PDCD6IP: variants seen among roughly 807,000 people sequenced by gnomAD.
PDCD6IP encodes the protein programmed cell death 6 interacting protein.
Under a neutral mutation model 103.7 loss-of-function variants are expected in PDCD6IP, and 43 were observed. The observed-to-expected ratio is 0.41, with a 90% confidence interval of 0.32 to 0.53. The LOEUF is 0.53. Ranked by LOEUF, PDCD6IP falls within the 20% of genes least tolerant of loss-of-function variation. The pLI is 0.16. For synonymous variants in PDCD6IP, 354 were observed against 378.7 expected, an observed-to-expected ratio of 0.93 and a Z score of 0.76; for missense variants, 871 against 1,036.7, an observed-to-expected ratio of 0.84 and a Z score of 2.20.
At chr3:33,822,682 G>A (rs1271745450) in intron 4 of PDCD6IP, among the ~76,000 whole-genome samples, 4 of 152,152 alleles carry the variant, frequency 2.6e-5, no homozygotes, top group South Asian at 2.1e-4. Context: ...TTGAGACGGA[G>A]TCTTGTTCTG....
Position 33,845,339 on chromosome 3 carries a change from T to C in PDCD6IP, c.1472-80T>C, listed in dbSNP as rs1697568461. The C allele has an allele frequency of 6.3e-5, 65 of 1,039,934 alleles. 1 individual carries two copies. The South Asian group carries it at 1.1e-3, about 18-fold the overall frequency. The allele number at this position is 1,039,934 out of a possible 1,614,324, so 64.4% of individuals were successfully genotyped here. A position where few individuals can be genotyped will look rare whatever the true frequency, so the allele number is the denominator to read the frequency against. On this transcript the variant is annotated intron_variant, in intron 11 of 17. Coordinates refer to ENST00000307296, the MANE Select transcript of PDCD6IP (RefSeq NM_013374.6). ...GGGGAGGATAAGTAAAGTTGGAGAC[T>C]AGAACTCAACATATAACCAGCCGAT...
At chr3:33,838,126 A>G in intron 8 of PDCD6IP, 78 bp from the exon 9 acceptor site, 1 of 1,297,852 alleles carries the variant, frequency 7.7e-7, no homozygotes, top group Non-Finnish European at 1.1e-6. Flanking sequence ...GAATATTGGA[A>G]AGAAAATATA....
intron 11 of PDCD6IP, among the ~76,000 whole-genome samples, chr3:33,844,664 A>G (rs1697552911): frequency 1.3e-5 from 2 of 152,052 alleles, no homozygotes; most frequent in African/African-American, 4.8e-5. Flanking sequence ...TATTTTTTGC[A>G]GAGACGAGGT....
chr3:33,843,391 A>G (rs1266319744), intron 10 of PDCD6IP, among the ~76,000 whole-genome samples: 1 of 151,950 alleles, frequency 6.6e-6, no homozygotes, highest in Non-Finnish European at 1.5e-5. Flanking sequence ...CTGGTGAACT[A>G]TGGATGGTGG....
At position 33,840,146 on chromosome 3, in the gene PDCD6IP, TAAAC is replaced by T. The variant is rs1250572418; in HGVS notation, c.1182-1749_1182-1746del. On this transcript the variant is annotated intron_variant, in intron 9 of 17. Coordinates refer to ENST00000307296, the MANE Select transcript of PDCD6IP (RefSeq NM_013374.6). ...TGCTGTTGACCAGAAGCCTTACCGA[TAAAC>T]AGTCAATTAACACATACTTTGTATA... Among the ~76,000 whole-genome samples the T allele has an allele frequency of 5.9e-5, 9 of 151,992 alleles. No homozygotes were observed. The East Asian group carries it at 1.7e-3, about 29-fold the overall frequency.
At chr3:33,799,164 G>A (rs983659323) in intron 1 of PDCD6IP, 1 of 569,008 alleles carries the variant, frequency 1.8e-6, no homozygotes, top group Non-Finnish European at 3.1e-6. Flanking sequence ...CTAGCCCTTG[G>A]TCGGCGAGGG....
chr3:33,802,471 T>G (rs1438233020), intron 1 of PDCD6IP, among the ~76,000 whole-genome samples: 1 of 152,034 alleles, frequency 6.6e-6, no homozygotes, highest in East Asian at 1.9e-4. Context: ...ATTTGATATC[T>G]CTGACATTTT....
chr3:33,829,320 A>G (rs1697196490), intron 7 of PDCD6IP, among the ~76,000 whole-genome samples: 1 of 151,982 alleles, frequency 6.6e-6, no homozygotes, highest in African/African-American at 2.4e-5. Context: ...CAGAATTTGC[A>G]TTCAGTTCTC....
chr3:33,809,028 T>C (rs1421103571), intron 1 of PDCD6IP, among the ~76,000 whole-genome samples: 1 of 152,220 alleles, frequency 6.6e-6, no homozygotes, highest in Non-Finnish European at 1.5e-5. Flanking sequence ...TCATGCCTTT[T>C]ATGGTCATGC....
chr3:33,801,046 A>G (rs1377546493), intron 1 of PDCD6IP, among the ~76,000 whole-genome samples: 1 of 152,188 alleles, frequency 6.6e-6, no homozygotes, highest in Non-Finnish European at 1.5e-5. Flanking sequence ...TCACCTCTGT[A>G]TAATCCCCTC....
At chr3:33,858,526 T>C (rs1697879247) in intron 15 of PDCD6IP, among the ~76,000 whole-genome samples, 2 of 152,158 alleles carry the variant, frequency 1.3e-5, no homozygotes, top group African/African-American at 2.4e-5. Context: ...AATAAACATA[T>C]GCGGCCAGGC....
At chr3:33,809,870 C>G (rs1005858863) in intron 1 of PDCD6IP, among the ~76,000 whole-genome samples, 1 of 152,096 alleles carries the variant, frequency 6.6e-6, no homozygotes, top group African/African-American at 2.4e-5. Flanking sequence ...GTCTCATTTT[C>G]TTGTGATTTC....
intron 9 of PDCD6IP, among the ~76,000 whole-genome samples, chr3:33,839,091 G>A (rs1201777195): frequency 6.6e-6 from 1 of 152,130 alleles, no homozygotes; most frequent in African/African-American, 2.4e-5. Context: ...ACGGGCATGA[G>A]CCACCATGCT....
intron 7 of PDCD6IP, chr3:33,835,261 C>T (rs1697321981): frequency 2.2e-6 from 1 of 456,612 alleles, no homozygotes; most frequent in Non-Finnish European, 4.4e-6. Flanking sequence ...CAGATCCACC[C>T]TTTCACTGAG....
At position 33,844,135 on chromosome 3, in the gene PDCD6IP, A is replaced by C. The variant is rs1206212071; in HGVS notation, c.1383A>C (p.Glu461Asp). Reference protein sequence around the residue: ...LDESLRLLDEEEATDNDLRAK... With the variant: ...LDESLRLLDEDEATDNDLRAK... ...AGTCATTAAGGTTGTTGGATGAAGAAGAAGCAACCGATAATGATTTAAGAG... is the reference window on the plus strand; with the variant it reads ...AGTCATTAAGGTTGTTGGATGAAGACGAAGCAACCGATAATGATTTAAGAG... The change falls in exon 11 of 18, where the codon GAA (glutamate) becomes GAC (aspartate). Residue 461 changes from glutamate (E) to aspartate (D), a missense_variant. This residue lies in a region of PDCD6IP where 266 missense variants were observed against 390.5 expected (regional missense o/e 0.68). Transcript: ENST00000307296. 6.2e-7 allele frequency: 1 copy of C among 1,600,442 alleles called. No homozygotes were observed. The highest frequency in any genetic ancestry group is 2.2e-5 in the East Asian group (1 of 44,606).
chr3:33,835,975 TTGG>T (rs983501060), intron 7 of PDCD6IP, 66 bp from the exon 8 acceptor site: 80 of 900,066 alleles, frequency 8.9e-5, no homozygotes, highest in Non-Finnish European at 1.2e-4. Context: ...GCTTAAATAC[TTGG>T]TGGGGAAAGA....
At position 33,854,066 on chromosome 3, in the gene PDCD6IP, A is replaced by G. The variant is rs1005493578; in HGVS notation, c.2025+53A>G. ...AGCTAGCAAGTACAGATGTGAACGC[A>G]TAGTTTGGAAGTTAAGTGGTATTTC... On this transcript the variant is annotated intron_variant, in intron 14 of 17. Transcript: ENST00000307296. 5.3e-6 allele frequency: 8 copies of G among 1,503,070 alleles called. No homozygotes were observed. In the South Asian group the frequency reaches 8.5e-5, roughly 16 times the overall value. 93.1% of individuals were successfully genotyped at this position (1,503,070 alleles called of 1,614,324 possible).
intron 7 of PDCD6IP, among the ~76,000 whole-genome samples, chr3:33,834,914 T>A (rs1480592268): frequency 4.6e-5 from 7 of 152,324 alleles, no homozygotes; most frequent in Admixed American, 6.5e-5. Flanking sequence ...CACTTTTTTT[T>A]AATCTGGTCC....
intron 1 of PDCD6IP, chr3:33,799,356 CAGTGGGGGA>C (rs1696416287): frequency 6.1e-6 from 1 of 163,848 alleles, no homozygotes; most frequent in Admixed American, 6.3e-5. Flanking sequence ...TGCTTGAAGG[CAGTGGGGGA>C]AGTGGGGGAA....
Sources: allele counts gnomAD v4.1 joint callset (sites outside exome capture counted in the v4.1 genomes callset), GRCh38; gene constraint gnomAD v4.1.1; regional missense constraint gnomAD v4.1.1; transcripts MANE v1.5; gene names NCBI Gene and HGNC (gene_info 2026-07-23, HGNC 2026-07-21).